The following KIF13A variants were observed in gnomAD, a reference collection of about 807,000 sequenced individuals.
The protein encoded by KIF13A is kinesin family member 13A.
In KIF13A, 79 loss-of-function variants were observed where a neutral mutation model predicts 212.2. The observed-to-expected ratio is 0.37, with a 90% CI of 0.31 to 0.45. KIF13A has a LOEUF of 0.45. KIF13A is among the 20% of genes least tolerant of loss of function. The pLI, the probability that KIF13A is intolerant of heterozygous loss-of-function variation, is 1.00. For synonymous variants in KIF13A, 789 were observed against 808.6 expected (o/e 0.98, Z 0.41); for missense variants, 1,901 against 2,209.0 (o/e 0.86, Z 2.79).
chr6:17,771,370 C>T lies in KIF13A; in HGVS notation c.4477-152G>A. The T allele has an allele frequency of 1.7e-6, 1 of 596,320 alleles. No individual in the cohort carries two copies. The highest frequency in any genetic ancestry group is 3.0e-6 in the Non-Finnish European group (1 of 333,448). The allele number at this position is 596,320 out of a possible 1,614,324, so 36.9% of individuals were successfully genotyped here. A position where few individuals can be genotyped will look rare whatever the true frequency, so the allele number is the denominator to read the frequency against. On this transcript the variant is annotated intron_variant, in intron 37 of 38. Transcript: ENST00000259711. The surrounding 1 kb of genome is among the most constrained non-coding windows in gnomAD (Gnocchi z 5.4). Reference sequence around the variant, plus strand: ...AATTCTGCAGGCCAGAGTTAAACTACTGGAGAGATATGACAGGAATAAACA... The same window carrying T: ...AATTCTGCAGGCCAGAGTTAAACTATTGGAGAGATATGACAGGAATAAACA...
rs917909939 is a variant in KIF13A, at chr6:17,961,646, T to G, written c.146+25408A>C. Among the ~76,000 whole-genome samples the G allele has an allele frequency of 2.6e-5, 4 of 152,194 alleles. No homozygotes were observed. The highest frequency in any genetic ancestry group is 9.7e-5 in the African/African-American group (4 of 41,442). On this transcript the variant is annotated intron_variant, in intron 2 of 38. Coordinates refer to ENST00000259711, the MANE Select transcript of KIF13A (RefSeq NM_022113.6). The surrounding 1 kb of genome is among the most constrained non-coding windows in gnomAD (Gnocchi z 4.1). Reference sequence around the variant, plus strand: ...TTCACCCAGGGCTTAGTAAATAGAATAGCTATGTTCTTTTTGAGCAACTAG... The same window carrying G: ...TTCACCCAGGGCTTAGTAAATAGAAGAGCTATGTTCTTTTTGAGCAACTAG...
chr6:17,845,946 A>G (rs1314780207), intron 9 of KIF13A, among the ~76,000 whole-genome samples: 1 of 151,044 alleles, frequency 6.6e-6, no homozygotes, highest in African/African-American at 2.4e-5. Context: ...CCTGCTTAAG[A>G]GGATTATTAA....
intron 2 of KIF13A, among the ~76,000 whole-genome samples, chr6:17,929,401 AC>A: frequency 1.1e-5 from 1 of 87,144 alleles, no homozygotes; most frequent in African/African-American, 3.7e-5. Flanking sequence ...AGCACTCTCG[AC>A]TATTTTTTTT....
intron 25 of KIF13A, among the ~76,000 whole-genome samples, chr6:17,791,783 C>T (rs1381100320): frequency 6.7e-6 from 1 of 150,358 alleles, no homozygotes; most frequent in Non-Finnish European, 1.5e-5. Flanking sequence ...GCCTGTAATC[C>T]CAGCTACTCG....
rs1760260426 is a variant in KIF13A at position 17,779,179 on chromosome 6, A to G, written c.3940-80T>C. 5 of 1,148,152 alleles carry G rather than the reference A, an allele frequency of 4.4e-6. No individual in the cohort carries two copies. The East Asian group carries it at 1.2e-4, about 28-fold the overall frequency. 71.1% of individuals were successfully genotyped at this position (1,148,152 alleles called of 1,614,324 possible). A position where few individuals can be genotyped will look rare whatever the true frequency, so the allele number is the denominator to read the frequency against. On this transcript the variant is annotated intron_variant, in intron 32 of 38. Transcript: ENST00000259711. ...AAAGTGTGGTGAGAAAACGTTTTAGAAGTCTGGAGAATGAACACATTCTCC... is the reference window on the plus strand; with the variant it reads ...AAAGTGTGGTGAGAAAACGTTTTAGGAGTCTGGAGAATGAACACATTCTCC...
rs189963160 is a variant in KIF13A, at chr6:17,764,990, A to G, written c.4582-44T>C. ...AGTCAGTCATTAGCTCCTTGTAGCA[A>G]CTGTACTGTTGAGACAAGTTTTAAA... On this transcript the variant is annotated intron_variant, in intron 38 of 38. Coordinates refer to ENST00000259711, the MANE Select transcript of KIF13A (RefSeq NM_022113.6). This position sits in a 1 kb window ranked among gnomAD's most constrained non-coding sequence, Gnocchi z 5.1. 11 of 1,441,968 alleles carry G rather than the reference A, an allele frequency of 7.6e-6. No individual in the cohort carries two copies. The South Asian group carries it at 1.5e-4, about 19-fold the overall frequency. 89.3% of individuals were successfully genotyped at this position (1,441,968 alleles called of 1,614,324 possible).
rs543111540 is a variant in KIF13A at position 17,841,394 on chromosome 6, G to A, written c.831-3811C>T. On this transcript the variant is annotated intron_variant, in intron 9 of 38. Coordinates refer to ENST00000259711, the MANE Select transcript of KIF13A (RefSeq NM_022113.6). ...GCCCAAGTTATACCTACCACTTTGGGTTATTAATCTCTGGGTGCTCCCATG... is the reference window on the plus strand; with the variant it reads ...GCCCAAGTTATACCTACCACTTTGGATTATTAATCTCTGGGTGCTCCCATG... 1.6e-4 allele frequency among the ~76,000 whole-genome samples: 24 copies of A among 152,264 alleles called. 2 individuals carry two copies. In the South Asian group the frequency reaches 5.0e-3, roughly 32 times the overall value.
Position 17,804,431 on chromosome 6 carries a change from A to G in KIF13A, c.2384T>C (p.Val795Ala). ...ENHNLIGVAN[V>A]FLECLFCDVK... ...ATCACAGAAGAGGCATTCCAAGAATACATTCGCCACCCCGATGAGGTTGTG... is the reference window on the plus strand; with the variant it reads ...ATCACAGAAGAGGCATTCCAAGAATGCATTCGCCACCCCGATGAGGTTGTG... Residue 795 changes from valine (V) to alanine (A), a missense_variant, in exon 20 of 39, where the codon GTA (valine) becomes GCA (alanine). By Grantham distance (64) the Val-to-Ala change is moderately conservative. Around this residue, in one of 5 missense-constraint regions of KIF13A, gnomAD observed 534 missense variants for 536.9 expected, o/e 0.99. Coordinates refer to ENST00000259711, the MANE Select transcript of KIF13A (RefSeq NM_022113.6). 1 of 1,572,050 alleles carries G rather than the reference A, an allele frequency of 6.4e-7. No individual in the cohort carries two copies. Among genetic ancestry groups the G allele is most frequent in the Non-Finnish European group, 8.6e-7 (1 of 1,157,684 alleles).
rs1196763266 is a variant in KIF13A, at chr6:17,883,294, C to T, written c.160-9857G>A. On this transcript the variant is annotated intron_variant, in intron 3 of 38. Coordinates refer to ENST00000259711, the MANE Select transcript of KIF13A (RefSeq NM_022113.6). The surrounding 1 kb of genome is among the most constrained non-coding windows in gnomAD (Gnocchi z 4.8). The stretch of plus-strand genomic sequence containing the variant: ...CCCAGAAGTTTAAGCCTGCAGTGAG[C>T]TGTGATCATGTCACTGCACTCCAGC... Among the ~76,000 whole-genome samples the T allele has an allele frequency of 1.3e-5, 2 of 152,120 alleles. No homozygotes were observed. The highest frequency in any genetic ancestry group is 2.9e-5 in the Non-Finnish European group (2 of 68,032).
At chr6:17,869,945 C>G (rs1769848449) in intron 4 of KIF13A, among the ~76,000 whole-genome samples, 1 of 152,190 alleles carries the variant, frequency 6.6e-6, no homozygotes, top group Non-Finnish European at 1.5e-5. Context: ...TTCTCCACTT[C>G]CCCTGTTTTC....
Position 17,912,208 on chromosome 6 carries a change from T to G in KIF13A, c.147-14028A>C, listed in dbSNP as rs1352070290. On this transcript the variant is annotated intron_variant, in intron 2 of 38. Coordinates refer to ENST00000259711, the MANE Select transcript of KIF13A (RefSeq NM_022113.6). The surrounding 1 kb of genome is among the most constrained non-coding windows in gnomAD (Gnocchi z 4.2). ...TGCATGCCTACATCAAAACATCTCA[T>G]GTACCCTATAAATATATATACCTAC... Among the ~76,000 whole-genome samples, 1 of 152,226 alleles carries G rather than the reference T, an allele frequency of 6.6e-6. No homozygotes were observed. Among genetic ancestry groups the G allele is most frequent in the African/African-American group, 2.4e-5 (1 of 41,458 alleles).
intron 2 of KIF13A, among the ~76,000 whole-genome samples, chr6:17,964,742 A>G (rs1373897495): frequency 1.3e-5 from 2 of 152,200 alleles, no homozygotes; most frequent in African/African-American, 4.8e-5. Context: ...GGCTTAGGTC[A>G]GTAGAGCTTC....
intron 25 of KIF13A, among the ~76,000 whole-genome samples, chr6:17,792,845 C>T (rs1311439370): frequency 6.6e-6 from 1 of 152,158 alleles, no homozygotes; most frequent in East Asian, 1.9e-4. Context: ...AGCCAGGAAG[C>T]CAAAAGGAAA....
chr6:17,825,911 C>T lies in KIF13A; in HGVS notation c.1643G>A (p.Arg548His), dbSNP rs767541977. Residue 548 changes from arginine to histidine, a missense_variant, in exon 16 of 39, where the codon CGT (arginine) becomes CAT (histidine). Physicochemically the swap from Arg to His is conservative, Grantham distance 29 (BLOSUM62 0). Coordinates refer to ENST00000259711, the MANE Select transcript of KIF13A (RefSeq NM_022113.6). The surrounding 1 kb of genome is among the most constrained non-coding windows in gnomAD (Gnocchi z 4.5). Reference protein sequence around the residue: ...FFRINLPKRKRRDWLKDFEKE... With the variant: ...FFRINLPKRKHRDWLKDFEKE... The stretch of plus-strand genomic sequence containing the variant: ...TTCAAAGTCTTTCAACCAATCTCGA[C>T]GTTTCCTCTTAGGTAAGTTTATTCT... 9.9e-6 allele frequency: 16 copies of T among 1,613,850 alleles called. No individual in the cohort carries two copies. Among genetic ancestry groups the T allele is most frequent in the East Asian group, 2.2e-5 (1 of 44,890 alleles).
chr6:17,955,982 C>A (rs1031739235), intron 2 of KIF13A, among the ~76,000 whole-genome samples: 1 of 152,146 alleles, frequency 6.6e-6, no homozygotes, highest in African/African-American at 2.4e-5. Flanking sequence ...CCATATTTTC[C>A]AGATCTTAAG....
rs1002758646 is a variant in KIF13A at position 17,850,529 on chromosome 6, T to C, written c.583-72A>G. 1.4e-6 allele frequency: 2 copies of C among 1,417,892 alleles called. No individual in the cohort carries two copies. Among genetic ancestry groups the C allele is most frequent in the Middle Eastern group, 2.0e-4 (1 of 4,906 alleles). The allele number at this position is 1,417,892 out of a possible 1,614,324, so 87.8% of individuals were successfully genotyped here. On this transcript the variant is annotated intron_variant, in intron 7 of 38. Coordinates refer to ENST00000259711, the MANE Select transcript of KIF13A (RefSeq NM_022113.6). This position sits in a 1 kb window ranked among gnomAD's most constrained non-coding sequence, Gnocchi z 6.2. ...TGTAGTCCTGCACACCAGGTATATG[T>C]ATTAATTATGATTCCTCTGATGCCT...
chr6:17,951,077 T>C lies in KIF13A; in HGVS notation c.146+35977A>G, dbSNP rs1020334683. On this transcript the variant is annotated intron_variant, in intron 2 of 38. Transcript: ENST00000259711. This position sits in a 1 kb window ranked among gnomAD's most constrained non-coding sequence, Gnocchi z 4.9. The stretch of plus-strand genomic sequence containing the variant: ...ACACCTAAGGACACCTAAGGAATTG[T>C]ACTTATTATATATAACACTTTGCCA... The C allele has an allele frequency of 9.2e-6, 10 of 1,092,198 alleles. No individual in the cohort carries two copies. In the African/African-American group the frequency reaches 1.5e-4, roughly 16 times the overall value. 67.7% of individuals were successfully genotyped at this position (1,092,198 alleles called of 1,614,324 possible).
intron 7 of KIF13A, 43 bp downstream of exon 7, chr6:17,851,912 T>C: frequency 9.5e-7 from 1 of 1,049,468 alleles, no homozygotes; most frequent in Non-Finnish European, 1.4e-6. Flanking sequence ...CATACTTTGA[T>C]TTATAGTCAG....
Position 17,919,841 on chromosome 6 carries a change from T to A in KIF13A, c.147-21661A>T, listed in dbSNP as rs1774892920. On this transcript the variant is annotated intron_variant, in intron 2 of 38. Transcript: ENST00000259711. The surrounding 1 kb of genome is among the most constrained non-coding windows in gnomAD (Gnocchi z 4.1). ...GATGACATCCAGCAGCCTCTGGCTCTGCTACGACAGTGAAGAAATACAGCA... is the reference window on the plus strand; with the variant it reads ...GATGACATCCAGCAGCCTCTGGCTCAGCTACGACAGTGAAGAAATACAGCA... Among the ~76,000 whole-genome samples the A allele has an allele frequency of 1.3e-5, 2 of 152,216 alleles. No homozygotes were observed.
Sources: gnomAD v4.1 joint callset for allele counts (sites outside exome capture counted in the v4.1 genomes callset) on GRCh38, gnomAD v4.1.1 for gene constraint, gnomAD v4.1.1 regional missense constraint, Gnocchi (gnomAD v3.1) non-coding constraint, MANE v1.5 for transcripts, NCBI Gene and HGNC (gene_info 2026-07-23, HGNC 2026-07-21) for gene names.